The following CSAD variants were observed in gnomAD, a reference collection of about 807,000 sequenced individuals.
CSAD encodes the protein cysteine sulfinic acid decarboxylase.
In CSAD, 47 loss-of-function variants were observed where a neutral mutation model predicts 61.5. That is an observed-to-expected ratio of 0.76 (90% CI 0.60 to 0.97). The LOEUF (loss-of-function observed/expected upper bound fraction) is 0.97. Ranked by LOEUF, CSAD falls within the 50% of genes least tolerant of loss-of-function variation. CSAD has a pLI of 0.00. For missense variants in CSAD, 611 were observed against 643.6 expected (o/e 0.95, Z 0.55); for synonymous variants, 245 against 252.7 (o/e 0.97, Z 0.29).
intron 3 of CSAD, 121 bp from the exon 4 acceptor site, chr12:53,173,597 A>C: frequency 6.4e-7 from 1 of 1,560,038 alleles, no homozygotes; most frequent in South Asian, 1.1e-5. Flanking sequence ...CTCGGCCTCC[A>C]GTGCACAGAC....
chr12:53,169,605 A>C (rs1276303524), intron 10 of CSAD, among the ~76,000 whole-genome samples: 2 of 152,182 alleles, frequency 1.3e-5, no homozygotes, highest in African/African-American at 4.8e-5. Context: ...TTAAAAAATA[A>C]AAATAAATAA....
chr12:53,167,156 G>A (rs1420957374), intron 10 of CSAD, among the ~76,000 whole-genome samples: 1 of 152,184 alleles, frequency 6.6e-6, no homozygotes, highest in African/African-American at 2.4e-5. Flanking sequence ...TTGATGACTA[G>A]GAGAGTGGGG....
rs1475801782 is a variant in CSAD at position 53,179,094 on chromosome 12, C to T, written c.-50+8G>A. 6.6e-6 allele frequency: 1 copy of T among 152,214 alleles called. No homozygotes were observed. The highest frequency in any genetic ancestry group is 1.5e-5 in the Non-Finnish European group (1 of 68,062). The allele number at this position is 152,214 out of a possible 1,614,324, so 9.4% of individuals were successfully genotyped here. On this transcript the variant is annotated splice_region_variant and intron_variant, in intron 2 of 16. Coordinates refer to ENST00000444623, the MANE Select transcript of CSAD (RefSeq NM_001244705.2). ...TCTGGAACTCCCGACCTCAGATGAT[C>T]CGCCCACCTCGGCTTCCCAACGTGC...
At chr12:53,167,175 C>A (rs1940036523) in intron 10 of CSAD, among the ~76,000 whole-genome samples, 1 of 152,174 alleles carries the variant, frequency 6.6e-6, no homozygotes, top group Non-Finnish European at 1.5e-5. Context: ...GGGTAGATGG[C>A]AGCACCAGCC....
At chr12:53,176,732 ATATT>A (rs908490795) in intron 2 of CSAD, among the ~76,000 whole-genome samples, 3 of 151,448 alleles carry the variant, frequency 2.0e-5, no homozygotes, top group African/African-American at 7.3e-5. Flanking sequence ...AAAAAAAAAA[ATATT>A]TATTTATTAT....
Position 53,173,679 on chromosome 12 carries a change from G to C in CSAD, c.-7+49C>G, listed in dbSNP as rs759030126. 8 of 1,466,952 alleles carry C rather than the reference G, an allele frequency of 5.5e-6. No homozygotes were observed. The South Asian group carries it at 6.9e-5, about 13-fold the overall frequency. The allele number at this position is 1,466,952 out of a possible 1,614,324, so 90.9% of individuals were successfully genotyped here. A position where few individuals can be genotyped will look rare whatever the true frequency, so the allele number is the denominator to read the frequency against. On this transcript the variant is annotated intron_variant, in intron 3 of 16. Coordinates refer to ENST00000444623, the MANE Select transcript of CSAD (RefSeq NM_001244705.2). ...GGAGAGAAAAGGCAGTCAGTGCTGA[G>C]CAAGTGGACTCTAGTGGCCATTTCC...
In CSAD at chr12:53,158,366, C is replaced by T. The variant is rs1938795402; in HGVS notation, c.*145G>A. ...GGCCAGGCTGGTCTCGAACTCCTGA[C>T]CTCAAGTGATCCACCCGCCTCGGCC... On this transcript the variant is annotated 3_prime_UTR_variant, in exon 17 of 17. Coordinates refer to ENST00000444623, the MANE Select transcript of CSAD (RefSeq NM_001244705.2). 6.9e-6 allele frequency: 5 copies of T among 719,584 alleles called. No individual in the cohort carries two copies. Among genetic ancestry groups the T allele is most frequent in the Admixed American group, 2.9e-5 (1 of 33,948 alleles). The allele number at this position is 719,584 out of a possible 1,614,324, so 44.6% of individuals were successfully genotyped here.
At chr12:53,170,232 G>T (rs202014606) in intron 9 of CSAD, 106 bp from the exon 10 acceptor site, 56 of 1,138,626 alleles carry the variant, frequency 4.9e-5, no homozygotes, top group East Asian at 7.2e-5. Context: ...TTTCCCTCAG[G>T]GGGTGAAACA....
At chr12:53,172,262 C>T (rs1355638965) in intron 6 of CSAD, 84 bp downstream of exon 6, 1 of 1,223,372 alleles carries the variant, frequency 8.2e-7, no homozygotes, top group Non-Finnish European at 1.2e-6. Context: ...GAGGGCAGAA[C>T]CATTCTCCTC....
chr12:53,181,237 C>T (rs1312146340), upstream of CSAD: 1 of 985,472 alleles, frequency 1.0e-6, no homozygotes, highest in Non-Finnish European at 1.2e-6. Context: ...TTCGGGCGGA[C>T]GGGGAGAACG....
rs1940908213 is a variant in CSAD at position 53,174,064 on chromosome 12, G to C, written c.-49-294C>G. On this transcript the variant is annotated intron_variant, in intron 2 of 16. Transcript: ENST00000444623. ...TCACGCCTGTAATCCCAGCACTTTGGGAGGCCGAGGCGGGCGGATCACGAG... is the reference window on the plus strand; with the variant it reads ...TCACGCCTGTAATCCCAGCACTTTGCGAGGCCGAGGCGGGCGGATCACGAG... 8.3e-6 allele frequency: 3 copies of C among 360,646 alleles called. No homozygotes were observed. In the Admixed American group the frequency reaches 1.3e-4, roughly 15 times the overall value. 22.3% of individuals were successfully genotyped at this position (360,646 alleles called of 1,614,324 possible). A position where few individuals can be genotyped will look rare whatever the true frequency, so the allele number is the denominator to read the frequency against.
At chr12:53,168,643 C>G (rs1256433303) in intron 10 of CSAD, among the ~76,000 whole-genome samples, 2 of 152,100 alleles carry the variant, frequency 1.3e-5, no homozygotes, top group Non-Finnish European at 2.9e-5. Flanking sequence ...TTTTAAATGG[C>G]TACCCAGTAC....
At chr12:53,175,144 A>C (rs1018016363) in intron 2 of CSAD, among the ~76,000 whole-genome samples, 1 of 152,190 alleles carries the variant, frequency 6.6e-6, no homozygotes, top group Non-Finnish European at 1.5e-5. Flanking sequence ...AAATAAAGGG[A>C]AATTGCCACA....
At chr12:53,173,829 GT>G (rs1940879323) in intron 2 of CSAD, 59 bp from the exon 3 acceptor site, 5 of 1,558,692 alleles carry the variant, frequency 3.2e-6, no homozygotes, top group Admixed American at 1.9e-5. Flanking sequence ...ACAATTAAGT[GT>G]TTTTTTCATA....
chr12:53,173,065 G>A (rs143606941), intron 4 of CSAD, among the ~76,000 whole-genome samples: 137 of 152,126 alleles, frequency 9.0e-4, no homozygotes, highest in African/African-American at 2.8e-3. Context: ...AAAATTAGCC[G>A]GGCGTGGTGG....
At chr12:53,175,348 CA>C (rs1941024603) in intron 2 of CSAD, among the ~76,000 whole-genome samples, 3 of 152,148 alleles carry the variant, frequency 2.0e-5, no homozygotes, top group South Asian at 4.2e-4. Flanking sequence ...TAGGGAAGGT[CA>C]CACAGGAGGA....
At chr12:53,160,441 C>CT in intron 13 of CSAD, 122 bp from the exon 14 acceptor site, 1 of 987,758 alleles carries the variant, frequency 1.0e-6, no homozygotes, top group Non-Finnish European at 1.5e-6. Context: ...GATGGCACTG[C>CT]TGGGACGGCT....
chr12:53,161,431 C>A, intron 10 of CSAD, 42 bp from the exon 11 acceptor site: 1 of 1,533,712 alleles, frequency 6.5e-7, no homozygotes, highest in South Asian at 1.1e-5. Flanking sequence ...AAAGTCATCT[C>A]AAAAGCTACT....
Position 53,172,666 on chromosome 12 carries a change from G to A in CSAD, c.127-18C>T. The A allele has an allele frequency of 6.3e-7, 1 of 1,597,344 alleles. No homozygotes were observed. The highest frequency in any genetic ancestry group is 8.5e-7 in the Non-Finnish European group (1 of 1,174,202). ...TCACAGACCTAGGAAGAGAGCCGGG[G>A]ATGCTGGGGGCCTGGGATGCCTGTG... On this transcript the variant is annotated intron_variant, in intron 4 of 16. Coordinates refer to ENST00000444623, the MANE Select transcript of CSAD (RefSeq NM_001244705.2).
Sources: allele counts gnomAD v4.1 joint callset (sites outside exome capture counted in the v4.1 genomes callset), GRCh38; gene constraint gnomAD v4.1.1; transcripts MANE v1.5; gene names NCBI Gene and HGNC (gene_info 2026-07-23, HGNC 2026-07-21).